Variants in CUX1 observed in about 807,000 individuals in gnomAD.
CUX1 encodes the protein cut like homeobox 1.
A neutral mutation model predicts 158.8 loss-of-function variants in CUX1; 31 were observed. The ratio of observed to expected loss-of-function variants is 0.20; its 90% CI spans 0.15 to 0.26. The LOEUF (loss-of-function observed/expected upper bound fraction) is 0.26, where lower values mean the gene tolerates loss of function less well. CUX1 is among the 10% of genes least tolerant of loss of function. The pLI is 1.00. For missense variants in CUX1, 1,589 were observed against 2,014.6 expected, an observed-to-expected ratio of 0.79 and a Z score of 4.04; for synonymous variants, 879 against 862.1, an observed-to-expected ratio of 1.02 and a Z score of -0.34.
intron 9 of CUX1, among the ~76,000 whole-genome samples, chr7:102,163,364 G>A (rs2131612796): frequency 6.6e-6 from 1 of 152,044 alleles, no homozygotes. Flanking sequence ...GTGTGGTGGT[G>A]TGCACCTGTG....
chr7:102,189,401 A>G (rs1424990819), intron 11 of CUX1, among the ~76,000 whole-genome samples: 13 of 147,554 alleles, frequency 8.8e-5, no homozygotes, highest in African/African-American at 3.0e-4. Flanking sequence ...TTTTTAAAAA[A>G]AAAAGAGGTA....
chr7:102,114,866 G>A (rs1459896617), intron 7 of CUX1, among the ~76,000 whole-genome samples: 4 of 148,666 alleles, frequency 2.7e-5, no homozygotes, highest in Non-Finnish European at 6.0e-5. Flanking sequence ...GGGTGACAGA[G>A]TGAGAAAACT....
At chr7:102,040,876 C>T (rs1450929219) in intron 3 of CUX1, among the ~76,000 whole-genome samples, 1 of 152,184 alleles carries the variant, frequency 6.6e-6, no homozygotes, top group Non-Finnish European at 1.5e-5. Context: ...TACCCAGATC[C>T]TCCCCCAAGG....
In CUX1 at chr7:102,194,371, G is replaced by C. The variant is rs563519927; in HGVS notation, c.1125+481G>C. On this transcript the variant is annotated intron_variant, in intron 13 of 23. Coordinates refer to ENST00000292535, the MANE Select transcript of CUX1 (RefSeq NM_181552.4). ...CCCAGCACTTTGGGAGGCCAAGACAGGAGGATCGCTTTGAGGCCAGGAATT... is the reference window on the plus strand; with the variant it reads ...CCCAGCACTTTGGGAGGCCAAGACACGAGGATCGCTTTGAGGCCAGGAATT... Among the ~76,000 whole-genome samples the C allele has an allele frequency of 4.2e-4, 64 of 152,116 alleles. No homozygotes were observed. The East Asian group carries it at 0.011, about 27-fold the overall frequency.
chr7:102,232,748 T>C (rs1554531250), intron 21 of CUX1, among the ~76,000 whole-genome samples: 2 of 152,174 alleles, frequency 1.3e-5, no homozygotes, highest in African/African-American at 4.8e-5. Flanking sequence ...GCGGCTGTGC[T>C]CTCCATAGCG....
chr7:102,196,533 TG>T, intron 14 of CUX1, 100 bp from the exon 15 acceptor site: 1 of 1,168,920 alleles, frequency 8.6e-7, no homozygotes, highest in Non-Finnish European at 1.2e-6. Context: ...CACTTTTTTT[TG>T]TTTTCCCTTT....
In CUX1 at chr7:102,253,868, G is replaced by A. The variant is rs1554541059; in HGVS notation, c.*4826G>A. 7.1e-6 allele frequency: 7 copies of A among 985,770 alleles called. No individual in the cohort carries two copies. The highest frequency in any genetic ancestry group is 1.2e-4 in the Admixed American group (2 of 16,270). The allele number at this position is 985,770 out of a possible 1,614,324, so 61.1% of individuals were successfully genotyped here. Reference sequence around the variant, plus strand: ...CTGGAGGTTTGGCTCCTGTGCTGCCGGTGGGGGGCCCTGTCCCTCCCCAGA... The same window carrying A: ...CTGGAGGTTTGGCTCCTGTGCTGCCAGTGGGGGGCCCTGTCCCTCCCCAGA... On this transcript the variant is annotated 3_prime_UTR_variant, in exon 24 of 24. Coordinates refer to ENST00000292535, the MANE Select transcript of CUX1 (RefSeq NM_181552.4).
At chr7:102,062,651 C>A (rs1825032590) in intron 3 of CUX1, among the ~76,000 whole-genome samples, 1 of 152,168 alleles carries the variant, frequency 6.6e-6, no homozygotes, top group South Asian at 2.1e-4. Context: ...GCATACACCA[C>A]CACACCCACC....
intron 10 of CUX1, 73 bp downstream of exon 10, chr7:102,170,623 C>T: frequency 9.5e-7 from 1 of 1,048,706 alleles, no homozygotes; most frequent in Non-Finnish European, 1.4e-6. Context: ...CCGCTTGCTC[C>T]TTTTTGTTTT....
At chr7:102,073,189 T>TC (rs1563206269) in intron 4 of CUX1, among the ~76,000 whole-genome samples, 30 of 129,802 alleles carry the variant, frequency 2.3e-4, no homozygotes, top group Non-Finnish European at 4.6e-4. Flanking sequence ...TTTTTTTTTT[T>TC]CTGAGACAGA....
chr7:102,042,781 T>C (rs1162775394), intron 3 of CUX1, among the ~76,000 whole-genome samples: 3 of 152,090 alleles, frequency 2.0e-5, no homozygotes, highest in Non-Finnish European at 4.4e-5. Flanking sequence ...TAGTGTATAA[T>C]GTGATGGTTT....
chr7:102,195,960 C>G (rs1335052302), intron 14 of CUX1, among the ~76,000 whole-genome samples: 1 of 152,146 alleles, frequency 6.6e-6, no homozygotes, highest in Non-Finnish European at 1.5e-5. Context: ...CAGCCTCGCT[C>G]TGGTGGTGTT....
intron 17 of CUX1, among the ~76,000 whole-genome samples, chr7:102,277,457 A>T (rs1165342545): frequency 6.6e-6 from 1 of 151,882 alleles, no homozygotes; most frequent in Admixed American, 6.6e-5. Flanking sequence ...CTAGCCAGGC[A>T]TGGTGGCACA....
chr7:102,272,305 G>A (rs1035360958), intron 14 of CUX1, among the ~76,000 whole-genome samples: 14 of 152,252 alleles, frequency 9.2e-5, no homozygotes, highest in East Asian at 7.7e-4. Context: ...TCAGCAGGCC[G>A]CGCAGTCAGG....
chr7:101,889,524 A>G (rs1287931383), intron 1 of CUX1, among the ~76,000 whole-genome samples: 1 of 152,164 alleles, frequency 6.6e-6, no homozygotes, highest in Non-Finnish European at 1.5e-5. Flanking sequence ...TCATCCCAAC[A>G]CTTTGGGAGG....
At chr7:102,199,398 C>T (rs1795152527) in intron 16 of CUX1, among the ~76,000 whole-genome samples, 1 of 152,292 alleles carries the variant, frequency 6.6e-6, no homozygotes. Flanking sequence ...CGGGTGGCTT[C>T]CCGAAAGAGC....
rs180794328 is a variant in CUX1 at position 101,898,842 on chromosome 7, C to A, written c.31-17273C>A. Among the ~76,000 whole-genome samples, 366 of 152,314 alleles carry A rather than the reference C, an allele frequency of 2.4e-3. 14 individuals carry two copies. Among genetic ancestry groups the A allele is most frequent in the Admixed American group, 0.02 (300 of 15,302 alleles). On this transcript the variant is annotated intron_variant, in intron 1 of 23. Coordinates refer to ENST00000292535, the MANE Select transcript of CUX1 (RefSeq NM_181552.4). ...CTGACCACAGGTGATCTGCCTGCTT[C>A]GGCCCCCCACAGTGCTGGGATTACA...
chr7:102,106,449 A>C (rs750850312), intron 6 of CUX1, among the ~76,000 whole-genome samples: 2 of 152,100 alleles, frequency 1.3e-5, no homozygotes, highest in African/African-American at 4.8e-5. Flanking sequence ...GGTGGGGCTT[A>C]GACACTGGAC....
In CUX1 at chr7:102,202,075, G is replaced by C. The variant is rs573676893; in HGVS notation, c.2778G>C (p.Ser926=). The change falls in exon 18 of 24, where the codon TCG becomes TCC. Residue 926 remains serine, a synonymous_variant. Coordinates refer to ENST00000292535, the MANE Select transcript of CUX1 (RefSeq NM_181552.4). ...CCATGTCCAAGCCCACCAAGCCCTC[G>C]GTCCCCCCGCTGACCCCCGAGCAGT... ...IVPMSKPTKP[S]VPPLTPEQYE... 1.2e-6 allele frequency: 2 copies of C among 1,613,846 alleles called. No individual in the cohort carries two copies. The highest frequency in any genetic ancestry group is 1.7e-5 in the Admixed American group (1 of 59,978).
Sources: allele counts gnomAD v4.1 joint callset (sites outside exome capture counted in the v4.1 genomes callset), GRCh38; gene constraint gnomAD v4.1.1; transcripts MANE v1.5; gene names NCBI Gene and HGNC (gene_info 2026-07-23, HGNC 2026-07-21).